Variants in GRIN2C observed in about 807,000 individuals in gnomAD.
GRIN2C encodes the protein glutamate receptor ionotropic, NMDA 2C.
In GRIN2C, 64 loss-of-function variants were observed where a neutral mutation model predicts 77.7. That is an observed-to-expected ratio of 0.82 (90% CI 0.67 to 1.01). The LOEUF (loss-of-function observed/expected upper bound fraction) is 1.01. Among genes scored for constraint, GRIN2C ranks in the 50% least tolerant of loss-of-function variants. The pLI, the probability that GRIN2C is intolerant of heterozygous loss-of-function variation, is 0.00. For missense variants in GRIN2C, 1,549 were observed against 1,486.0 expected (o/e 1.04, Z -0.70); for synonymous variants, 792 against 643.4 (o/e 1.23, Z -3.49).
chr17:74,855,427 T>C (rs1265595302), intron 1 of GRIN2C, among the ~76,000 whole-genome samples: 1 of 152,164 alleles, frequency 6.6e-6, no homozygotes, highest in Non-Finnish European at 1.5e-5. Context: ...TAGGAAGTCA[T>C]ACTGAAAATG....
In GRIN2C at chr17:74,846,028, C is replaced by A; in HGVS notation, c.2350+38G>T. 1.3e-6 allele frequency: 2 copies of A among 1,587,570 alleles called. No individual in the cohort carries two copies. Among genetic ancestry groups the A allele is most frequent in the South Asian group, 1.1e-5 (1 of 90,376 alleles). Reference sequence around the variant, plus strand: ...GAAATGCTGACAACCTTGGGCTCCACAGCCCACCCTGGGCATCCCAGCAAT... The same window carrying A: ...GAAATGCTGACAACCTTGGGCTCCAAAGCCCACCCTGGGCATCCCAGCAAT... On this transcript the variant is annotated intron_variant, in intron 11 of 12. Coordinates refer to ENST00000293190, the MANE Select transcript of GRIN2C (RefSeq NM_000835.6). This position sits in a 1 kb window ranked among gnomAD's most constrained non-coding sequence, Gnocchi z 4.4.
upstream of GRIN2C, chr17:74,860,946 AC>A: frequency 5.6e-6 from 1 of 179,942 alleles, no homozygotes; most frequent in Non-Finnish European, 1.2e-5. Context: ...GCCCCCTTTC[AC>A]CTTCTCGACT....
chr17:74,847,245 C>T lies in GRIN2C; in HGVS notation c.2001+63G>A. ...CAGACTCGACTGTCCAGGGCCTGCC[C>T]ACTCACGGCCTGTCCCCACCCTCAG... On this transcript the variant is annotated intron_variant, in intron 9 of 12. Coordinates refer to ENST00000293190, the MANE Select transcript of GRIN2C (RefSeq NM_000835.6). This position sits in a 1 kb window ranked among gnomAD's most constrained non-coding sequence, Gnocchi z 5.2. The T allele has an allele frequency of 9.2e-7, 1 of 1,088,848 alleles. No homozygotes were observed. The highest frequency in any genetic ancestry group is 1.4e-6 in the Non-Finnish European group (1 of 722,278). 67.4% of individuals were successfully genotyped at this position (1,088,848 alleles called of 1,614,324 possible).
In GRIN2C at chr17:74,852,768, A is replaced by G. The variant is rs563905471; in HGVS notation, c.400-157T>C. On this transcript the variant is annotated intron_variant, in intron 2 of 12. Coordinates refer to ENST00000293190, the MANE Select transcript of GRIN2C (RefSeq NM_000835.6). ...TGGCCTGCGCCTCCCTCCCGCCCCA[A>G]TGTGGTTCCCCGCTGCCTAGTAGCA... 3.4e-5 allele frequency: 16 copies of G among 464,210 alleles called. No homozygotes were observed. In the East Asian group the frequency reaches 3.9e-4, roughly 11 times the overall value. 28.8% of individuals were successfully genotyped at this position (464,210 alleles called of 1,614,324 possible).
At chr17:74,858,849 C>T (rs900364312) in intron 1 of GRIN2C, among the ~76,000 whole-genome samples, 3 of 152,194 alleles carry the variant, frequency 2.0e-5, no homozygotes, top group Middle Eastern at 3.4e-3. Flanking sequence ...CTCCAGGCCT[C>T]GTTCCAGCAT....
rs371768820 is a variant in GRIN2C, at chr17:74,852,513, G to A, written c.498C>T (p.Ala166=). ...GGCCCGGGTGCAGGCTGGTGATGACGGCGAAGGCGCTCCAGTCGTACTCTT... is the reference window on the plus strand; with the variant it reads ...GGCCCGGGTGCAGGCTGGTGATGACAGCGAAGGCGCTCCAGTCGTACTCTT... ...VLEEYDWSAF[A]VITSLHPGHA... Residue 166 remains alanine, a synonymous_variant, in exon 3 of 13, where the codon GCC becomes GCT. Transcript: ENST00000293190. 9.6e-5 allele frequency: 151 copies of A among 1,568,456 alleles called. No individual in the cohort carries two copies. The highest frequency in any genetic ancestry group is 1.3e-4 in the Non-Finnish European group (146 of 1,165,582).
At position 74,846,374 on chromosome 17, in the gene GRIN2C, G is replaced by T; in HGVS notation, c.2163-121C>A. On this transcript the variant is annotated intron_variant, in intron 10 of 12. Transcript: ENST00000293190. The surrounding 1 kb of genome is among the most constrained non-coding windows in gnomAD (Gnocchi z 4.4). ...CTGGGCACCCCCGGGAGGGACCAAT[G>T]GGCAGAGACTTGTCTGGTTCTCTTG... 1.3e-6 allele frequency: 1 copy of T among 781,624 alleles called. No individual in the cohort carries two copies. Among genetic ancestry groups the T allele is most frequent in the South Asian group, 1.6e-5 (1 of 61,248 alleles). The allele number at this position is 781,624 out of a possible 1,614,324, so 48.4% of individuals were successfully genotyped here. A position where few individuals can be genotyped will look rare whatever the true frequency, so the allele number is the denominator to read the frequency against.
chr17:74,852,948 A>G (rs1042771524), intron 2 of GRIN2C: 10 of 261,812 alleles, frequency 3.8e-5, no homozygotes, highest in Non-Finnish European at 6.5e-5. Context: ...GTATTCTCAC[A>G]AGCTCTTCAG....
intron 1 of GRIN2C, among the ~76,000 whole-genome samples, chr17:74,858,391 T>C (rs1489549602): frequency 1.3e-5 from 2 of 151,136 alleles, no homozygotes; most frequent in Non-Finnish European, 2.9e-5. Context: ...GTTGTACCTC[T>C]AATCAAGGGG....
rs1250082251 is a variant in GRIN2C, at chr17:74,851,650, AAGG to A, written c.1037_1039del (p.Ser346del). ...CTGGACCAGGTACCCACCAGGGCTG[AAGG>A]AGAAGTCTCGGCCCTCCCAGGTGAC... is the stretch of plus-strand genomic sequence containing the variant. On this transcript the variant is annotated inframe_deletion, in exon 4 of 13. Transcript: ENST00000293190. The A allele has an allele frequency of 1.9e-6, 3 of 1,575,254 alleles. No individual in the cohort carries two copies. The highest frequency in any genetic ancestry group is 1.8e-5 in the Admixed American group (1 of 54,408).
At chr17:74,843,692 C>T (rs2037373350) in intron 12 of GRIN2C, 139 bp from the exon 13 acceptor site, 4 of 1,166,938 alleles carry the variant, frequency 3.4e-6, no homozygotes, top group Middle Eastern at 2.8e-4. Context: ...ATCTCCCATG[C>T]GCCAGGCACT....
Position 74,847,478 on chromosome 17 carries a change from AGAC to A in GRIN2C, c.1828_1830del (p.Val610del). On this transcript the variant is annotated inframe_deletion, in exon 9 of 13. Coordinates refer to ENST00000293190, the MANE Select transcript of GRIN2C (RefSeq NM_000835.6). This position sits in a 1 kb window ranked among gnomAD's most constrained non-coding sequence, Gnocchi z 5.2. ...TTCTCGATGGGCACTGAGTTGTTGA[AGAC>A]CAGCGCCCACAGCAGCCACACGGAC... The A allele has an allele frequency of 6.2e-7, 1 of 1,614,042 alleles. No homozygotes were observed. Among genetic ancestry groups the A allele is most frequent in the Non-Finnish European group, 8.5e-7 (1 of 1,180,018 alleles).
chr17:74,851,503 C>T (rs915811464), intron 4 of GRIN2C, 74 bp downstream of exon 4: 1 of 811,162 alleles, frequency 1.2e-6, no homozygotes, highest in East Asian at 2.7e-5. Flanking sequence ...ACTCTCTGCT[C>T]AGCTGTGGGC....
Position 74,850,064 on chromosome 17 carries a change from T to C in GRIN2C, c.1492-131A>G. 1.5e-6 allele frequency: 2 copies of C among 1,348,486 alleles called. No individual in the cohort carries two copies. The highest frequency in any genetic ancestry group is 2.1e-6 in the Non-Finnish European group (2 of 972,070). The allele number at this position is 1,348,486 out of a possible 1,614,324, so 83.5% of individuals were successfully genotyped here. A position where few individuals can be genotyped will look rare whatever the true frequency, so the allele number is the denominator to read the frequency against. Reference sequence around the variant, plus strand: ...TCATTCCCTCTGGGGCCCTCAGAGCTCAGCTTTCAGTACTGACCACCCCAG... The same window carrying C: ...TCATTCCCTCTGGGGCCCTCAGAGCCCAGCTTTCAGTACTGACCACCCCAG... On this transcript the variant is annotated intron_variant, in intron 6 of 12. Coordinates refer to ENST00000293190, the MANE Select transcript of GRIN2C (RefSeq NM_000835.6). This position sits in a 1 kb window ranked among gnomAD's most constrained non-coding sequence, Gnocchi z 5.3.
At chr17:74,855,834 C>T (rs1016956471) in intron 1 of GRIN2C, among the ~76,000 whole-genome samples, 4 of 152,250 alleles carry the variant, frequency 2.6e-5, no homozygotes, top group Non-Finnish European at 5.9e-5. Flanking sequence ...TTCTGCCTGG[C>T]ACAGAGCCCC....
In GRIN2C at chr17:74,842,775, TGCGCCTGCGCCAA is replaced by T. The variant is rs759779755; in HGVS notation, c.3349_3361del (p.Leu1117SerfsTer90). On this transcript the variant is annotated frameshift_variant, in exon 13 of 13. Coordinates refer to ENST00000293190, the MANE Select transcript of GRIN2C (RefSeq NM_000835.6). LOFTEE classifies it low-confidence loss of function (END_TRUNC). The stretch of plus-strand genomic sequence containing the variant: ...CCGGTAGATCGGCAAGCACATCGAC[TGCGCCTGCGCCAA>T]GCGCCTGCAGGCCGAGTGGCCGTCG... The T allele has an allele frequency of 1.9e-5, 12 of 640,476 alleles. No individual in the cohort carries two copies. Among genetic ancestry groups the T allele is most frequent in the African/African-American group, 7.6e-5 (4 of 52,806 alleles). 39.7% of individuals were successfully genotyped at this position (640,476 alleles called of 1,614,324 possible).
Position 74,859,116 on chromosome 17 carries a change from A to C in GRIN2C, c.-16+628T>G, listed in dbSNP as rs1021392096. On this transcript the variant is annotated intron_variant, in intron 1 of 12. Coordinates refer to ENST00000293190, the MANE Select transcript of GRIN2C (RefSeq NM_000835.6). The surrounding 1 kb of genome is among the most constrained non-coding windows in gnomAD (Gnocchi z 5.9). ...TGCACTCATTAACACCCTGCCCCAC[A>C]CTGGACTGCGGGCTCCTTGAGGGCA... Among the ~76,000 whole-genome samples the C allele has an allele frequency of 2.0e-5, 3 of 152,008 alleles. No homozygotes were observed. Among genetic ancestry groups the C allele is most frequent in the African/African-American group, 7.3e-5 (3 of 41,362 alleles).
intron 11 of GRIN2C, among the ~76,000 whole-genome samples, chr17:74,845,798 C>A (rs963216397): frequency 5.3e-4 from 80 of 151,968 alleles, no homozygotes; most frequent in African/African-American, 1.8e-3. Context: ...CCCATCCCCA[C>A]CCCCACCATG....
Position 74,854,861 on chromosome 17 carries a change from G to A in GRIN2C, c.232C>T (p.Leu78Phe). The change falls in exon 2 of 13, where the codon CTC becomes TTC. Residue 78 changes from leucine to phenylalanine, a missense_variant. Physicochemically the swap from Leu to Phe is conservative, Grantham distance 22. This residue lies in a region of GRIN2C where 382 missense variants were observed against 360.0 expected (regional missense o/e 1.06). Coordinates refer to ENST00000293190, the MANE Select transcript of GRIN2C (RefSeq NM_000835.6). ...CCCAGGAGGCCGCAGATCTGGGTGA[G>A]GAGGCTGCTGGGGTTGGTGGTGTTG... Reference protein sequence around the residue: ...GVNTTNPSSLLTQICGLLGAA... With the variant: ...GVNTTNPSSLFTQICGLLGAA... 1 of 1,613,386 alleles carries A rather than the reference G, an allele frequency of 6.2e-7. No individual in the cohort carries two copies. The highest frequency in any genetic ancestry group is 1.7e-4 in the Middle Eastern group (1 of 6,048).
Sources: gnomAD v4.1 joint callset for allele counts (sites outside exome capture counted in the v4.1 genomes callset) on GRCh38, gnomAD v4.1.1 for gene constraint, gnomAD v4.1.1 regional missense constraint, Gnocchi (gnomAD v3.1) non-coding constraint, MANE v1.5 for transcripts, NCBI Gene and HGNC (gene_info 2026-07-23, HGNC 2026-07-21) for gene names.